Variants in ABCC2 observed in about 807,000 individuals in gnomAD.
The protein encoded by ABCC2 is ATP binding cassette subfamily C member 2.
In ABCC2, 157 loss-of-function variants were observed where a neutral mutation model predicts 173.4. The observed-to-expected ratio is 0.91, with a 90% CI of 0.80 to 1.03. The LOEUF (loss-of-function observed/expected upper bound fraction) is 1.03, where lower values mean the gene tolerates loss of function less well. Ranked by LOEUF, ABCC2 falls within the 50% of genes least tolerant of loss-of-function variation. The probability of loss-of-function intolerance (pLI) is 0.00; values close to 1 mark genes in which losing one functional copy is unlikely to be tolerated. For missense variants in ABCC2, 1,822 were observed against 1,852.3 expected, an observed-to-expected ratio of 0.98 and a Z score of 0.30; for synonymous variants, 657 against 693.5, an observed-to-expected ratio of 0.95 and a Z score of 0.83.
At chr10:99,817,253 A>T (rs996821840) in intron 16 of ABCC2, 55 bp from the exon 17 acceptor site, 1 of 1,583,130 alleles carries the variant, frequency 6.3e-7, no homozygotes, top group Admixed American at 1.7e-5. Flanking sequence ...CCCGTCCTTC[A>T]ACCCTGCGTT....
At chr10:99,820,670 A>G (rs2038518459) in intron 19 of ABCC2, among the ~76,000 whole-genome samples, 2 of 152,200 alleles carry the variant, frequency 1.3e-5, no homozygotes, top group Non-Finnish European at 2.9e-5. Context: ...AAAGAACAGG[A>G]TGGTGTAGGT....
At chr10:99,808,275 C>T (rs1377901406) in intron 13 of ABCC2, 46 bp downstream of exon 13, 1 of 1,607,998 alleles carries the variant, frequency 6.2e-7, no homozygotes, top group Non-Finnish European at 8.5e-7. Flanking sequence ...TGGTTAAAAG[C>T]CTTGGAGTCC....
In ABCC2 at chr10:99,848,298, A is replaced by T. The variant is rs764289003; in HGVS notation, c.4313+1171A>T. Among the ~76,000 whole-genome samples the T allele has an allele frequency of 6.6e-5, 10 of 152,356 alleles. No homozygotes were observed. The East Asian group carries it at 1.3e-3, about 21-fold the overall frequency. On this transcript the variant is annotated intron_variant, in intron 30 of 31. Transcript: ENST00000647814. ...TTTAACCTTTCCAAAACATTTTTAT[A>T]TAATTGACAGTTCACTTCTGGCCTT...
intron 15 of ABCC2, among the ~76,000 whole-genome samples, chr10:99,811,846 C>G (rs1476852402): frequency 6.6e-6 from 1 of 152,184 alleles, no homozygotes; most frequent in South Asian, 2.1e-4. Flanking sequence ...CAGCTGTGAT[C>G]CCATGAAGAC....
Position 99,797,208 on chromosome 10 carries a change from A to G in ABCC2, c.744A>G (p.Arg248=). 6.2e-7 allele frequency: 1 copy of G among 1,614,160 alleles called. No homozygotes were observed. The highest frequency in any genetic ancestry group is 8.5e-7 in the Non-Finnish European group (1 of 1,180,026). ...LVSKFETHMK[R]ELQKARRALQ... ...GCAAGTTTGAAACGCACATGAAGAGAGAGCTGCAGAAAGCCAGGCGGGCAC... is the reference window on the plus strand; with the variant it reads ...GCAAGTTTGAAACGCACATGAAGAGGGAGCTGCAGAAAGCCAGGCGGGCAC... Residue 248 remains arginine, a synonymous_variant, in exon 7 of 32, where the codon AGA becomes AGG. Transcript: ENST00000647814.
rs2039045179 is a variant in ABCC2, at chr10:99,848,214, G to A, written c.4313+1087G>A. Among the ~76,000 whole-genome samples, 3 of 152,322 alleles carry A rather than the reference G, an allele frequency of 2.0e-5. No homozygotes were observed. In the South Asian group the frequency reaches 6.2e-4, roughly 32 times the overall value. On this transcript the variant is annotated intron_variant, in intron 30 of 31. Transcript: ENST00000647814. ...AGGGAACGTGACATCTGTAAAATCC[G>A]TAGGCACTGTTGAAACACCTGAAAT...
chr10:99,800,741 C>T (rs41318027), intron 9 of ABCC2, among the ~76,000 whole-genome samples, 178 bp downstream of exon 9: 14 of 152,290 alleles, frequency 9.2e-5, no homozygotes, highest in Non-Finnish European at 2.1e-4. Flanking sequence ...AGTGTGTTCA[C>T]AGACAATGGG....
At chr10:99,809,130 A>G (rs2038165567) in intron 13 of ABCC2, among the ~76,000 whole-genome samples, 3 of 152,138 alleles carry the variant, frequency 2.0e-5, no homozygotes. Context: ...AGGCAGGCAT[A>G]TCACCTGAGG....
chr10:99,821,800 T>G (rs918065289), intron 19 of ABCC2, among the ~76,000 whole-genome samples: 6 of 150,924 alleles, frequency 4.0e-5, no homozygotes, highest in African/African-American at 1.5e-4. Flanking sequence ...TCCCCACATT[T>G]CCCCCTTTTC....
Position 99,814,158 on chromosome 10 carries a change from C to CACATATGTGTATATAT in ABCC2, c.2094+1017_2094+1018insTATGTGTATATATACA, listed in dbSNP as rs1564683281. On this transcript the variant is annotated intron_variant, in intron 16 of 31. Transcript: ENST00000647814. Reference sequence around the variant, plus strand: ...GTATATATACACACATGTATGTATACACACGTATATATACACACATGTATG... The same window carrying CACATATGTGTATATAT: ...GTATATATACACACATGTATGTATACACATATGTGTATATATACACGTATATATACACACATGTATG... Among the ~76,000 whole-genome samples the CACATATGTGTATATAT allele has an allele frequency of 1.3e-4, 3 of 23,130 alleles. 1 individual carries two copies. Among genetic ancestry groups the CACATATGTGTATATAT allele is most frequent in the Admixed American group, 4.1e-4 (1 of 2,464 alleles). The allele number at this position is 23,130 out of a possible 152,430, so 15.2% of individuals were successfully genotyped here. A position where few individuals can be genotyped will look rare whatever the true frequency, so the allele number is the denominator to read the frequency against.
At chr10:99,788,017 T>C (rs1344761047) in intron 2 of ABCC2, among the ~76,000 whole-genome samples, 1 of 151,804 alleles carries the variant, frequency 6.6e-6, no homozygotes, top group Non-Finnish European at 1.5e-5. Context: ...CAGTGAGCCA[T>C]GTTCACACCA....
At chr10:99,849,040 C>T (rs1391076636) in intron 30 of ABCC2, among the ~76,000 whole-genome samples, 5 of 152,306 alleles carry the variant, frequency 3.3e-5, no homozygotes, top group East Asian at 1.9e-4. Flanking sequence ...GCCTGACCAA[C>T]GTGGAGACAC....
At chr10:99,825,773 G>A (rs927813102) in intron 19 of ABCC2, among the ~76,000 whole-genome samples, 3 of 152,162 alleles carry the variant, frequency 2.0e-5, no homozygotes, top group Non-Finnish European at 4.4e-5. Flanking sequence ...TTTTTGTGGG[G>A]GCTCCCCTGG....
At chr10:99,821,760 A>G (rs1236254360) in intron 19 of ABCC2, among the ~76,000 whole-genome samples, 1 of 152,002 alleles carries the variant, frequency 6.6e-6, no homozygotes, top group African/African-American at 2.4e-5. Context: ...TTCTACACAG[A>G]CACAGTGACA....
At position 99,834,522 on chromosome 10, in the gene ABCC2, A is replaced by T; in HGVS notation, c.3401A>T (p.Tyr1134Phe). 1 of 1,614,050 alleles carries T rather than the reference A, an allele frequency of 6.2e-7. No individual in the cohort carries two copies. The highest frequency in any genetic ancestry group is 1.1e-5 in the South Asian group (1 of 91,056). The change falls in exon 24 of 32, where the codon TAT becomes TTT. Residue 1134 changes from tyrosine (Y) to phenylalanine (F), a missense_variant. Transcript: ENST00000647814. ...TIIVIPLGII[Y>F]VSVQMFYVST... ...ATCGTCATTCCTCTTGGCATTATTT[A>T]TGTATCTGTTCAGGTAGGTTTGGAA...
In ABCC2 at chr10:99,844,637, C is replaced by T. The variant is rs578214864; in HGVS notation, c.3987+172C>T. Among the ~76,000 whole-genome samples, 10 of 152,242 alleles carry T rather than the reference C, an allele frequency of 6.6e-5. 1 individual carries two copies. The East Asian group carries it at 1.9e-3, about 29-fold the overall frequency. On this transcript the variant is annotated intron_variant, in intron 28 of 31. Coordinates refer to ENST00000647814, the MANE Select transcript of ABCC2 (RefSeq NM_000392.5). The stretch of plus-strand genomic sequence containing the variant: ...GACACAGTATCAGAGGGAAGGATAG[C>T]AGCCAGGGATCACACAGACTTACCG...
At chr10:99,830,251 T>C in intron 19 of ABCC2, 56 bp from the exon 20 acceptor site, 2 of 1,612,126 alleles carry the variant, frequency 1.2e-6, no homozygotes, top group African/African-American at 1.3e-5. Context: ...TCCTTGTTCA[T>C]AGGACTGACA....
At chr10:99,791,064 G>A (rs982651686) in intron 2 of ABCC2, among the ~76,000 whole-genome samples, 1 of 152,134 alleles carries the variant, frequency 6.6e-6, no homozygotes, top group Non-Finnish European at 1.5e-5. Flanking sequence ...AGTGTAATGT[G>A]TATCATGTCT....
At chr10:99,803,000 A>C (rs981683965) in intron 9 of ABCC2, among the ~76,000 whole-genome samples, 8 of 151,982 alleles carry the variant, frequency 5.3e-5, no homozygotes, top group Admixed American at 5.3e-4. Context: ...ACGGAGTCTC[A>C]CTCTGTAGCC....
Sources: gnomAD v4.1 joint callset for allele counts (sites outside exome capture counted in the v4.1 genomes callset) on GRCh38, gnomAD v4.1.1 for gene constraint, MANE v1.5 for transcripts, NCBI Gene and HGNC (gene_info 2026-07-23, HGNC 2026-07-21) for gene names.